The following CNPY4 variants were observed in gnomAD, a reference collection of about 807,000 sequenced individuals.
The protein encoded by CNPY4 is protein canopy homolog 4.
CNPY4 carries 33 observed loss-of-function variants against 30.1 expected under a neutral mutation model. The ratio of observed to expected loss-of-function variants is 1.10; its 90% CI spans 0.83 to 1.46. The LOEUF (loss-of-function observed/expected upper bound fraction) is 1.46, where lower values mean the gene tolerates loss of function less well. Among genes scored for constraint, CNPY4 ranks in the 40% most tolerant of loss-of-function variants. The probability of loss-of-function intolerance (pLI) is 0.00; values close to 1 mark genes in which losing one functional copy is unlikely to be tolerated. For synonymous variants in CNPY4, 109 were observed against 110.1 expected, an observed-to-expected ratio of 0.99 and a Z score of 0.06; for missense variants, 324 against 302.6, an observed-to-expected ratio of 1.07 and a Z score of -0.52.
In CNPY4 at chr7:100,124,796, C is replaced by CAGGAGGAGG. The variant is rs141457365; in HGVS notation, c.663_671dup (p.Glu227_Glu229dup). 1 of 1,612,454 alleles carries CAGGAGGAGG rather than the reference C, an allele frequency of 6.2e-7. No individual in the cohort carries two copies. Among genetic ancestry groups the CAGGAGGAGG allele is most frequent in the Non-Finnish European group, 8.5e-7 (1 of 1,178,990 alleles). On this transcript the variant is annotated inframe_insertion, in exon 6 of 6. Transcript: ENST00000262932. ...AGAGAAAACAGAAGGGGAGGAAGAG[C>CAGGAGGAGG]AGGAGGAGGAGGAGGAAGAGGAGGA...
At chr7:100,121,854 T>A (rs371271060) in intron 1 of CNPY4, among the ~76,000 whole-genome samples, 2 of 150,706 alleles carry the variant, frequency 1.3e-5, no homozygotes, top group African/African-American at 4.9e-5. Flanking sequence ...ATCGAGACCA[T>A]CCTGGCTAAC....
At chr7:100,121,688 C>A (rs1380464367) in intron 1 of CNPY4, among the ~76,000 whole-genome samples, 2 of 151,900 alleles carry the variant, frequency 1.3e-5, no homozygotes, top group Admixed American at 6.5e-5. Flanking sequence ...GATCTGCCCG[C>A]CTCAGCCTCC....
At chr7:100,123,031 G>A in intron 4 of CNPY4, 125 bp downstream of exon 4, 1 of 1,084,332 alleles carries the variant, frequency 9.2e-7, no homozygotes, top group Non-Finnish European at 1.3e-6. Flanking sequence ...AGTGAGGACT[G>A]TGCCATTGAT....
chr7:100,122,067 G>A (rs1290434031), intron 1 of CNPY4, 192 bp from the exon 2 acceptor site: 80 of 350,096 alleles, frequency 2.3e-4, no homozygotes, highest in Middle Eastern at 7.7e-4. Flanking sequence ...AAAAAAAAAA[G>A]ATGAAGAAAC....
Position 100,125,281 on chromosome 7 carries a change from A to G in CNPY4, c.*393A>G, listed in dbSNP as rs1235957970. The G allele has an allele frequency of 5.5e-6, 1 of 182,068 alleles. No individual in the cohort carries two copies. The highest frequency in any genetic ancestry group is 1.2e-5 in the Non-Finnish European group (1 of 85,402). 11.3% of individuals were successfully genotyped at this position (182,068 alleles called of 1,614,324 possible). The stretch of plus-strand genomic sequence containing the variant: ...TAGACCCTTCCAAGGAAGAGGCCAG[A>G]ACGGACATTCTCTGCGATCTATATA... On this transcript the variant is annotated 3_prime_UTR_variant, in exon 6 of 6. Transcript: ENST00000262932.
chr7:100,121,253 C>T (rs1478503461), intron 1 of CNPY4: 3 of 149,040 alleles, frequency 2.0e-5, no homozygotes, highest in African/African-American at 7.4e-5. Flanking sequence ...ATTCTCCTGC[C>T]TCAGCCTCCC....
At chr7:100,119,895 C>T (rs1797978056) in intron 1 of CNPY4, 33 bp downstream of exon 1, 1 of 1,549,356 alleles carries the variant, frequency 6.5e-7, no homozygotes. Context: ...ATAGGCATCG[C>T]CCGGCCACAC....
intron 4 of CNPY4, 184 bp from the exon 5 acceptor site, chr7:100,124,330 A>C: frequency 1.8e-6 from 1 of 565,858 alleles, no homozygotes; most frequent in Non-Finnish European, 3.2e-6. Flanking sequence ...TTAATAATCT[A>C]CTTGGCAGAA....
intron 1 of CNPY4, among the ~76,000 whole-genome samples, chr7:100,121,776 C>T (rs112758676): frequency 3.6e-4 from 53 of 149,028 alleles, no homozygotes; most frequent in Admixed American, 8.0e-4. Context: ...ACCGGCCGGG[C>T]GTGGTGGCTC....
At chr7:100,121,114 ATATTTTTTTTTTTTTTT>A (rs1265521747) in intron 1 of CNPY4, 7 of 31,148 alleles carry the variant, frequency 2.2e-4, no homozygotes, top group Non-Finnish European at 3.3e-4. Flanking sequence ...ATATATATAT[ATATTTTTTTTTTTTTTT>A]TTTTTTTTTT....
intron 4 of CNPY4, 168 bp from the exon 5 acceptor site, chr7:100,124,346 G>A: frequency 1.7e-6 from 1 of 587,680 alleles, no homozygotes; most frequent in South Asian, 2.2e-5. Flanking sequence ...CAGAATAGGT[G>A]CTGGTAAATG....
In CNPY4 at chr7:100,124,521, C is replaced by A. The variant is rs760726881; in HGVS notation, c.473C>A (p.Thr158Asn). The change falls in exon 5 of 6, where the codon ACC (threonine) becomes AAC (asparagine). Residue 158 changes from threonine (T) to asparagine (N), a missense_variant. Thr to Asn is a moderately conservative substitution (Grantham distance 65). Coordinates refer to ENST00000262932, the MANE Select transcript of CNPY4 (RefSeq NM_152755.2). ...EVTYLKKQCE[T>N]MLEEFEDIVG... ...GCCCTTCTACTTGACCAGTGTGAGACCATGTTGGAGGAGTTTGAAGACATT... is the reference window on the plus strand; with the variant it reads ...GCCCTTCTACTTGACCAGTGTGAGAACATGTTGGAGGAGTTTGAAGACATT... 1 of 1,611,454 alleles carries A rather than the reference C, an allele frequency of 6.2e-7. No homozygotes were observed. The highest frequency in any genetic ancestry group is 1.1e-5 in the South Asian group (1 of 90,962).
intron 1 of CNPY4, among the ~76,000 whole-genome samples, chr7:100,121,738 C>G (rs895807824): frequency 1.3e-5 from 2 of 151,590 alleles, no homozygotes; most frequent in African/African-American, 4.8e-5. Flanking sequence ...CCACTCCTGG[C>G]CTATTATCCC....
chr7:100,125,013 T>C lies in CNPY4; in HGVS notation c.*125T>C. On this transcript the variant is annotated 3_prime_UTR_variant, in exon 6 of 6. Coordinates refer to ENST00000262932, the MANE Select transcript of CNPY4 (RefSeq NM_152755.2). ...ACTCCACCCAAGCTTGTAGCTGTTC[T>C]CTCCCATCTAACCTCAGGCAAGATC... 8.7e-7 allele frequency: 1 copy of C among 1,148,104 alleles called. No homozygotes were observed. The highest frequency in any genetic ancestry group is 1.2e-6 in the Non-Finnish European group (1 of 811,802). The allele number at this position is 1,148,104 out of a possible 1,614,324, so 71.1% of individuals were successfully genotyped here.
intron 3 of CNPY4, 44 bp downstream of exon 3, chr7:100,122,621 A>C: frequency 6.5e-7 from 1 of 1,548,114 alleles, no homozygotes; most frequent in South Asian, 1.2e-5. Flanking sequence ...TCAGATACAA[A>C]GATCTGTATC....
At position 100,122,309 on chromosome 7, in the gene CNPY4, C is replaced by G. The variant is rs537019181; in HGVS notation, c.169C>G (p.Arg57Gly). ...ACAGGCGGAACTGAGTCGCACCGGTCGATCTCGAGAGGTGCTGGAGCTGGG... is the reference window on the plus strand; with the variant it reads ...ACAGGCGGAACTGAGTCGCACCGGTGGATCTCGAGAGGTGCTGGAGCTGGG... ...ELQAELSRTG[R>G]SREVLELGQV... The change falls in exon 2 of 6, where the codon CGA becomes GGA. Residue 57 changes from arginine (R) to glycine (G), a missense_variant. Transcript: ENST00000262932. 7 of 1,613,928 alleles carry G rather than the reference C, an allele frequency of 4.3e-6. No individual in the cohort carries two copies. In the African/African-American group the frequency reaches 6.7e-5, roughly 15 times the overall value.
chr7:100,122,218 T>G, intron 1 of CNPY4, 41 bp from the exon 2 acceptor site: 3 of 1,611,116 alleles, frequency 1.9e-6, no homozygotes, highest in Non-Finnish European at 2.5e-6. Flanking sequence ...GCTGGTGTGT[T>G]TGTCTTTTAC....
rs374412348 is a variant in CNPY4, at chr7:100,119,720, G to A, written c.-25G>A. The A allele has an allele frequency of 1.5e-5, 24 of 1,613,944 alleles. No homozygotes were observed. The African/African-American group carries it at 1.7e-4, about 12-fold the overall frequency. On this transcript the variant is annotated 5_prime_UTR_variant, in exon 1 of 6. Coordinates refer to ENST00000262932, the MANE Select transcript of CNPY4 (RefSeq NM_152755.2). ...CTTCCCGAAGTTGAAGGCAAGCGGT[G>A]ATTGTTTGTAGACGGCGCTTTGTCA...
intron 4 of CNPY4, 147 bp downstream of exon 4, chr7:100,123,053 C>CA: frequency 1.1e-6 from 1 of 894,588 alleles, no homozygotes; most frequent in Non-Finnish European, 1.6e-6. Flanking sequence ...AAAGTGGGTC[C>CA]AGGAGCGGTG....
Sources: allele counts gnomAD v4.1 joint callset (sites outside exome capture counted in the v4.1 genomes callset), GRCh38; gene constraint gnomAD v4.1.1; transcripts MANE v1.5; gene names NCBI Gene and HGNC (gene_info 2026-07-23, HGNC 2026-07-21).